The following DNAH8 variants were observed in gnomAD, a reference collection of about 807,000 sequenced individuals.
DNAH8 encodes axonemal beta dynein heavy chain 8.
DNAH8 carries 382 observed loss-of-function variants against 562.1 expected under a neutral mutation model. That is an observed-to-expected ratio of 0.68 (90% confidence interval 0.63 to 0.74). The LOEUF is 0.74. DNAH8 is among the 30% of genes least tolerant of loss of function. DNAH8 has a pLI of 0.00. For missense variants in DNAH8, 5,203 were observed against 5,620.4 expected (o/e 0.93, Z 2.37); for synonymous variants, 1,881 against 1,919.4 (o/e 0.98, Z 0.52).
At chr6:38,916,416 A>G (rs765157770) in intron 68 of DNAH8, among the ~76,000 whole-genome samples, 15 of 152,098 alleles carry the variant, frequency 9.9e-5, no homozygotes, top group Non-Finnish European at 1.9e-4. Context: ...TATCACTCAC[A>G]TGCTTCTGTC....
chr6:38,962,925 TG>T (rs1184145497), intron 82 of DNAH8, among the ~76,000 whole-genome samples: 7 of 152,134 alleles, frequency 4.6e-5, no homozygotes, highest in Admixed American at 4.6e-4. Flanking sequence ...AACTAAGCTA[TG>T]AGGACACAAA....
intron 11 of DNAH8, among the ~76,000 whole-genome samples, chr6:38,766,112 T>C (rs2127615182): frequency 6.6e-6 from 1 of 151,890 alleles, no homozygotes; most frequent in Admixed American, 6.6e-5. Flanking sequence ...GTATATAGGG[T>C]ATGTATGTAT....
At chr6:38,908,203 T>A (rs1264754271) in intron 64 of DNAH8, 83 bp downstream of exon 64, 1 of 735,058 alleles carries the variant, frequency 1.4e-6, no homozygotes, top group East Asian at 3.1e-5. Flanking sequence ...GATTAGAAAA[T>A]GATCTTAGAA....
chr6:38,870,556 C>T lies in DNAH8; in HGVS notation c.6984C>T (p.Leu2328=), dbSNP rs746205471. Residue 2328 remains leucine (L), a synonymous_variant, in exon 49 of 93, where the codon CTC becomes CTT. Coordinates refer to ENST00000327475, the MANE Select transcript of DNAH8 (RefSeq NM_001206927.2). ...ACCATCCACCCTGGAACCTGAAACTCGTGCAGGTAAAGACATTTTAATCTA... is the reference window on the plus strand; with the variant it reads ...ACCATCCACCCTGGAACCTGAAACTTGTGCAGGTAAAGACATTTTAATCTA... The part of the protein sequence containing the change: ...LINHPPWNLK[L]VQLYETSLVR... The T allele has an allele frequency of 9.3e-6, 15 of 1,613,268 alleles. No individual in the cohort carries two copies. The highest frequency in any genetic ancestry group is 5.3e-5 in the African/African-American group (4 of 74,848).
intron 26 of DNAH8, 117 bp downstream of exon 26, chr6:38,815,774 C>T: frequency 1.0e-6 from 1 of 990,766 alleles, no homozygotes; most frequent in Non-Finnish European, 1.4e-6. Context: ...TAGTATGTTT[C>T]ATCTTAAACA....
At chr6:38,734,354 C>A in intron 4 of DNAH8, 120 bp from the exon 5 acceptor site, 12 of 834,190 alleles carry the variant, frequency 1.4e-5, no homozygotes, top group Admixed American at 4.4e-5. Flanking sequence ...TATTCTATGA[C>A]CGTATTGAAA....
At chr6:38,882,299 A>G (rs862430) in intron 53 of DNAH8, among the ~76,000 whole-genome samples, 6,089 of 152,238 alleles carry the variant, frequency 0.04, 416 homozygotes, top group African/African-American at 0.14. Flanking sequence ...TAGCAAAGAC[A>G]TGGAATCAAC....
chr6:38,729,118 T>C (rs1480636931), intron 3 of DNAH8, among the ~76,000 whole-genome samples: 1 of 151,948 alleles, frequency 6.6e-6, no homozygotes, highest in African/African-American at 2.4e-5. Flanking sequence ...CCGGAGAATC[T>C]CTTGAACCTG....
At chr6:38,906,838 C>T (rs1780518579) in intron 63 of DNAH8, among the ~76,000 whole-genome samples, 1 of 152,112 alleles carries the variant, frequency 6.6e-6, no homozygotes, top group Non-Finnish European at 1.5e-5. Context: ...TCACCAGACT[C>T]AGCATATACA....
At chr6:38,715,777 G>C (rs79016948) in intron 1 of DNAH8, among the ~76,000 whole-genome samples, 6,636 of 148,576 alleles carry the variant, frequency 0.045, 587 homozygotes, top group Middle Eastern at 0.15. Context: ...GGGTGGGAGG[G>C]GGGTGAGGGA....
chr6:38,847,387 A>T (rs1462364335), intron 36 of DNAH8, among the ~76,000 whole-genome samples: 1 of 151,648 alleles, frequency 6.6e-6, no homozygotes, highest in African/African-American at 2.4e-5. Flanking sequence ...TGCCCATGCC[A>T]TGTTGGTTTA....
At chr6:38,991,927 T>C (rs1463814378) in intron 88 of DNAH8, among the ~76,000 whole-genome samples, 1 of 151,938 alleles carries the variant, frequency 6.6e-6, no homozygotes, top group Admixed American at 6.6e-5. Flanking sequence ...CCTCCTGACC[T>C]GCTCTTCTCT....
chr6:38,997,298 TC>T (rs1240426813), intron 88 of DNAH8, among the ~76,000 whole-genome samples: 1 of 151,956 alleles, frequency 6.6e-6, no homozygotes, highest in Non-Finnish European at 1.5e-5. Context: ...CCCTTGCTGT[TC>T]CCCCACCGGC....
At chr6:38,945,692 G>A (rs1761350248) in intron 80 of DNAH8, 104 bp downstream of exon 80, 2 of 1,484,916 alleles carry the variant, frequency 1.3e-6, no homozygotes, top group South Asian at 2.4e-5. Flanking sequence ...ACCCAAAAAA[G>A]TCAACCCAAT....
Position 38,848,763 on chromosome 6 carries a change from G to A in DNAH8, c.5161G>A (p.Val1721Ile), listed in dbSNP as rs746165563. 2.4e-5 allele frequency: 39 copies of A among 1,613,290 alleles called. No individual in the cohort carries two copies. Among genetic ancestry groups the A allele is most frequent in the South Asian group, 1.3e-4 (12 of 91,040 alleles). Reference protein sequence around the residue: ...VQNLWVYLEAVFVGGDIAKQL... With the variant: ...VQNLWVYLEAIFVGGDIAKQL... ...GAACCTTTGGGTTTATCTTGAAGCC[G>A]TCTTTGTAGGTGGAGATATTGCCAA... Residue 1721 changes from valine to isoleucine, a missense_variant, in exon 37 of 93, where the codon GTC becomes ATC. This residue lies in a region of DNAH8 where 2,176 missense variants were observed against 2,365.1 expected (regional missense o/e 0.92). Coordinates refer to ENST00000327475, the MANE Select transcript of DNAH8 (RefSeq NM_001206927.2).
In DNAH8 at chr6:38,722,937, C is replaced by G; in HGVS notation, c.128C>G (p.Ala43Gly). The part of the protein sequence containing the change: ...APRPPTVEAP[A>G]EDGFSPSAED... ...CGCCCTCCGACAGTGGAGGCCCCGG[C>G]AGAAGATGGTTTCTCTCCTTCCGCA... Residue 43 changes from alanine (A) to glycine (G), a missense_variant, in exon 2 of 93, where the codon GCA becomes GGA. By Grantham distance (60) the Ala-to-Gly change is moderately conservative. Around this residue, in one of 6 missense-constraint regions of DNAH8, gnomAD observed 556 missense variants for 496.9 expected, o/e 1.12. Transcript: ENST00000327475. 1 of 1,612,604 alleles carries G rather than the reference C, an allele frequency of 6.2e-7. No homozygotes were observed. Among genetic ancestry groups the G allele is most frequent in the Non-Finnish European group, 8.5e-7 (1 of 1,179,686 alleles).
Position 38,982,352 on chromosome 6 carries a change from C to T in DNAH8, c.12841C>T (p.Arg4281Ter), listed in dbSNP as rs1029171985. 2.9e-5 allele frequency: 46 copies of T among 1,571,660 alleles called. No individual in the cohort carries two copies. Among genetic ancestry groups the T allele is most frequent in the East Asian group, 4.5e-5 (2 of 44,598 alleles). ...AFLHSTVQER[R>*]KFGPLGWNIP... ...TTTCTTTGGTGTTTTTAAGGAGCGA[C>T]GAAAATTTGGCCCCTTAGGATGGAA... Residue 4281 changes from arginine to a stop codon, truncating the protein, a stop_gained, in exon 86 of 93, where the codon CGA becomes TGA. Transcript: ENST00000327475. LOFTEE classifies it high-confidence loss of function.
chr6:38,848,303 T>G (rs2150382434), intron 36 of DNAH8, among the ~76,000 whole-genome samples: 1 of 152,290 alleles, frequency 6.6e-6, no homozygotes, highest in South Asian at 2.1e-4. Flanking sequence ...CACTTGGATT[T>G]GGTTCACAGA....
chr6:38,944,852 A>G (rs1783726528), intron 79 of DNAH8, among the ~76,000 whole-genome samples: 1 of 152,126 alleles, frequency 6.6e-6, no homozygotes, highest in Non-Finnish European at 1.5e-5. Context: ...TCATCCACTA[A>G]AAAACCCATA....
Sources: allele counts gnomAD v4.1 joint callset (sites outside exome capture counted in the v4.1 genomes callset), GRCh38; gene constraint gnomAD v4.1.1; regional missense constraint gnomAD v4.1.1; transcripts MANE v1.5; gene names NCBI Gene and HGNC (gene_info 2026-07-23, HGNC 2026-07-21).